The following MSANTD4 variants were observed in gnomAD, a reference collection of about 807,000 sequenced individuals.
MSANTD4 encodes the protein Myb/SANT DNA binding domain containing 4 with coiled-coils, also known as myb/SANT-like DNA-binding domain-containing protein 4.
A neutral mutation model predicts 34.3 loss-of-function variants in MSANTD4; 13 were observed. The ratio of observed to expected loss-of-function variants is 0.38; its 90% CI spans 0.25 to 0.60. MSANTD4 has a LOEUF of 0.60. Ranked by LOEUF, MSANTD4 falls within the 20% of genes least tolerant of loss-of-function variation. The pLI, the probability that MSANTD4 is intolerant of heterozygous loss-of-function variation, is 0.63. For synonymous variants in MSANTD4, 137 were observed against 145.2 expected (o/e 0.94, Z 0.41); for missense variants, 358 against 401.8 (o/e 0.89, Z 0.93).
rs1358259714 is a variant in MSANTD4 at position 106,008,352 on chromosome 11, A to G, written c.*1183T>C. On this transcript the variant is annotated 3_prime_UTR_variant, in exon 3 of 3. Transcript: ENST00000301919. ...TATACTACAATATAGAAGATCAGCC[A>G]TTTACTCTGTGTCACTTCTCTGAGC... 6.6e-6 allele frequency: 1 copy of G among 152,226 alleles called. No individual in the cohort carries two copies. The highest frequency in any genetic ancestry group is 2.4e-5 in the African/African-American group (1 of 41,442). The allele number at this position is 152,226 out of a possible 1,614,324, so 9.4% of individuals were successfully genotyped here. A position where few individuals can be genotyped will look rare whatever the true frequency, so the allele number is the denominator to read the frequency against.
chr11:106,014,279 T>C (rs1370779901), intron 1 of MSANTD4, among the ~76,000 whole-genome samples: 1 of 152,226 alleles, frequency 6.6e-6, no homozygotes, highest in East Asian at 1.9e-4. Flanking sequence ...AATATTTACT[T>C]TGTTTTACTT....
In MSANTD4 at chr11:106,009,177, A is replaced by G. The variant is rs1442980130; in HGVS notation, c.*358T>C. The G allele has an allele frequency of 5.6e-6, 1 of 178,890 alleles. No individual in the cohort carries two copies. The highest frequency in any genetic ancestry group is 1.2e-5 in the Non-Finnish European group (1 of 84,684). 11.1% of individuals were successfully genotyped at this position (178,890 alleles called of 1,614,324 possible). A position where few individuals can be genotyped will look rare whatever the true frequency, so the allele number is the denominator to read the frequency against. On this transcript the variant is annotated 3_prime_UTR_variant, in exon 3 of 3. Transcript: ENST00000301919. ...CCCACCCCAGTTTTGACAACCCAAC[A>G]TGTCTCCAGACATCACCAAATTGGT...
At position 106,021,513 on chromosome 11, in the gene MSANTD4, A is replaced by G. The variant is rs1024737056; in HGVS notation, c.-702T>C. 1 of 152,210 alleles carries G rather than the reference A, an allele frequency of 6.6e-6. No homozygotes were observed. Among genetic ancestry groups the G allele is most frequent in the Admixed American group, 6.5e-5 (1 of 15,284 alleles). The allele number at this position is 152,210 out of a possible 1,614,324, so 9.4% of individuals were successfully genotyped here. Reference sequence around the variant, plus strand: ...CCAGACGGCAAGTTCCGGATCAAAAAAATTTGAGGGTAAATTAGTTAAGCA... The same window carrying G: ...CCAGACGGCAAGTTCCGGATCAAAAGAATTTGAGGGTAAATTAGTTAAGCA... On this transcript the variant is annotated 5_prime_UTR_variant, in exon 1 of 3. Coordinates refer to ENST00000301919, the MANE Select transcript of MSANTD4 (RefSeq NM_032424.3).
chr11:106,018,221 T>C (rs887961616), intron 1 of MSANTD4, among the ~76,000 whole-genome samples: 4 of 152,214 alleles, frequency 2.6e-5, no homozygotes, highest in African/African-American at 9.6e-5. Context: ...ATATAAAAAT[T>C]ATCAATGAGA....
intron 1 of MSANTD4, among the ~76,000 whole-genome samples, chr11:106,014,143 G>A (rs963637203): frequency 1.3e-5 from 2 of 152,152 alleles, no homozygotes; most frequent in Admixed American, 6.5e-5. Context: ...GGTAAATATC[G>A]ATATTTTTTA....
chr11:106,016,268 G>A (rs1015834163), intron 1 of MSANTD4, among the ~76,000 whole-genome samples: 3 of 152,110 alleles, frequency 2.0e-5, no homozygotes, highest in African/African-American at 7.2e-5. Context: ...CTTTCCTCTA[G>A]AGGTGACTAA....
chr11:106,018,802 G>A (rs953364709), intron 1 of MSANTD4, among the ~76,000 whole-genome samples: 2 of 152,164 alleles, frequency 1.3e-5, no homozygotes, highest in Non-Finnish European at 2.9e-5. Context: ...ATGAATGAAA[G>A]CTTAGGTGAT....
chr11:106,009,330 C>G lies in MSANTD4; in HGVS notation c.*205G>C, dbSNP rs1038709525. The G allele has an allele frequency of 1.9e-6, 1 of 539,986 alleles. No individual in the cohort carries two copies. Among genetic ancestry groups the G allele is most frequent in the Non-Finnish European group, 3.3e-6 (1 of 307,278 alleles). 33.4% of individuals were successfully genotyped at this position (539,986 alleles called of 1,614,324 possible). On this transcript the variant is annotated 3_prime_UTR_variant, in exon 3 of 3. Coordinates refer to ENST00000301919, the MANE Select transcript of MSANTD4 (RefSeq NM_032424.3). ...TAATATTATAAGGTAAAGAGTCCAG[C>G]ACAGTAAGTTTCTGCTATACTGTTT...
At chr11:106,017,426 C>A (rs540129677) in intron 1 of MSANTD4, among the ~76,000 whole-genome samples, 35 of 152,220 alleles carry the variant, frequency 2.3e-4, no homozygotes, top group Non-Finnish European at 4.4e-4. Context: ...TTGAGGTGAT[C>A]AACATTATAT....
At chr11:106,015,534 A>G (rs895357570) in intron 1 of MSANTD4, among the ~76,000 whole-genome samples, 12 of 152,228 alleles carry the variant, frequency 7.9e-5, no homozygotes, top group African/African-American at 2.9e-4. Flanking sequence ...CTTTATTATT[A>G]TGCTTCATAA....
chr11:106,015,997 A>T (rs1859834544), intron 1 of MSANTD4, among the ~76,000 whole-genome samples: 1 of 152,088 alleles, frequency 6.6e-6, no homozygotes, highest in African/African-American at 2.4e-5. Context: ...CTGAGTAGCA[A>T]GGCAGGTGCA....
chr11:106,009,596 T>G lies in MSANTD4; in HGVS notation c.977A>C (p.Lys326Thr). 1 of 1,614,100 alleles carries G rather than the reference T, an allele frequency of 6.2e-7. No homozygotes were observed. The highest frequency in any genetic ancestry group is 8.5e-7 in the Non-Finnish European group (1 of 1,179,998). Residue 326 changes from lysine to threonine, a missense_variant, in exon 3 of 3, where the codon AAG becomes ACG. Lys to Thr is a moderately conservative substitution (Grantham distance 78, BLOSUM62 -1). This residue lies in a region of MSANTD4 where 312 missense variants were observed against 317.6 expected (regional missense o/e 0.98). Transcript: ENST00000301919. ...GTCTTTCTCTACCTGTAAGCGTTCCTTTTCAATCTGCAGCTTCTCAGATTC... is the reference window on the plus strand; with the variant it reads ...GTCTTTCTCTACCTGTAAGCGTTCCGTTTCAATCTGCAGCTTCTCAGATTC... Reference protein sequence around the residue: ...KFESEKLQIEKERLQVEKDRL... With the variant: ...KFESEKLQIETERLQVEKDRL...
chr11:106,021,956 T>C lies in MSANTD4; in HGVS notation c.-1145A>G, dbSNP rs910663711. The C allele has an allele frequency of 1.3e-5, 2 of 152,270 alleles. No individual in the cohort carries two copies. Among genetic ancestry groups the C allele is most frequent in the Non-Finnish European group, 2.9e-5 (2 of 68,122 alleles). 9.4% of individuals were successfully genotyped at this position (152,270 alleles called of 1,614,324 possible). Reference sequence around the variant, plus strand: ...AGTCCCGACTGAGTGCCCAGAAACTTCTGCAGTCTTGTTTCCGTGGCCTGG... The same window carrying C: ...AGTCCCGACTGAGTGCCCAGAAACTCCTGCAGTCTTGTTTCCGTGGCCTGG... On this transcript the variant is annotated 5_prime_UTR_variant, in exon 1 of 3. Coordinates refer to ENST00000301919, the MANE Select transcript of MSANTD4 (RefSeq NM_032424.3).
At chr11:106,011,631 T>C (rs911715429) in intron 1 of MSANTD4, among the ~76,000 whole-genome samples, 1 of 151,892 alleles carries the variant, frequency 6.6e-6, no homozygotes, top group Non-Finnish European at 1.5e-5. Context: ...TCAGAGTCTG[T>C]CCTTTCCCCA....
At chr11:106,014,033 G>C (rs186495736) in intron 1 of MSANTD4, among the ~76,000 whole-genome samples, 2 of 152,316 alleles carry the variant, frequency 1.3e-5, no homozygotes, top group Admixed American at 1.3e-4. Flanking sequence ...GACCTGGCCT[G>C]AAGAATCCCT....
At position 106,009,753 on chromosome 11, in the gene MSANTD4, GT is replaced by G; in HGVS notation, c.819del (p.Lys273AsnfsTer21). 6.2e-7 allele frequency: 1 copy of G among 1,614,182 alleles called. No homozygotes were observed. The highest frequency in any genetic ancestry group is 8.5e-7 in the Non-Finnish European group (1 of 1,180,042). Reference sequence around the variant, plus strand: ...TGACCAAGTTCATTTTCCAAGGACGGTTTCTCTGAATTGACTATCTGTAACC... The same window carrying G: ...TGACCAAGTTCATTTTCCAAGGACGGTTCTCTGAATTGACTATCTGTAACC... ...KLRLQIVNSE[K>X]PSLENELGQG... On this transcript the variant is annotated frameshift_variant, in exon 3 of 3. Transcript: ENST00000301919. LOFTEE classifies it high-confidence loss of function.
intron 1 of MSANTD4, 36 bp downstream of exon 1, chr11:106,020,926 C>T (rs2134965529): frequency 6.6e-6 from 1 of 152,272 alleles, no homozygotes; most frequent in South Asian, 2.1e-4. Flanking sequence ...AGCATTGATG[C>T]ATCTTGAGTT....
chr11:106,015,327 A>G (rs955323338), intron 1 of MSANTD4, among the ~76,000 whole-genome samples: 2 of 152,234 alleles, frequency 1.3e-5, no homozygotes, highest in Non-Finnish European at 2.9e-5. Flanking sequence ...TGATAATAAC[A>G]TTACTTCATA....
At chr11:106,013,748 G>A (rs1056343127) in intron 1 of MSANTD4, among the ~76,000 whole-genome samples, 2 of 152,188 alleles carry the variant, frequency 1.3e-5, no homozygotes, top group African/African-American at 4.8e-5. Context: ...TATAATCCCA[G>A]CTACTCAGGA....
Sources: allele counts gnomAD v4.1 joint callset (sites outside exome capture counted in the v4.1 genomes callset), GRCh38; gene constraint gnomAD v4.1.1; regional missense constraint gnomAD v4.1.1; transcripts MANE v1.5; gene names NCBI Gene and HGNC (gene_info 2026-07-23, HGNC 2026-07-21).